The following MACROD2 variants were observed in gnomAD, a reference collection of about 807,000 sequenced individuals.
MACROD2 encodes mono-ADP ribosylhydrolase 2.
A neutral mutation model predicts 70.4 loss-of-function variants in MACROD2; 36 were observed. The observed-to-expected ratio is 0.51, with a 90% CI of 0.39 to 0.68. The LOEUF is 0.68. MACROD2 is among the 30% of genes least tolerant of loss of function. MACROD2 has a pLI of 0.00. For missense variants in MACROD2, 496 were observed against 538.4 expected (o/e 0.92, Z 0.78); for synonymous variants, 172 against 178.8 (o/e 0.96, Z 0.30).
At position 14,613,284 on chromosome 20, in the gene MACROD2, G is replaced by T. The variant is rs114685084; in HGVS notation, c.302-71559G>T. 6.2e-3 allele frequency among the ~76,000 whole-genome samples: 937 copies of T among 152,190 alleles called. 10 individuals carry two copies. The highest frequency in any genetic ancestry group is 0.022 in the African/African-American group (897 of 41,552). On this transcript the variant is annotated intron_variant, in intron 4 of 17. Coordinates refer to ENST00000684519, the MANE Select transcript of MACROD2 (RefSeq NM_001351661.2). ...CAAGAGAATAAGCAATGATTCATAC[G>T]CATTCCCCAGAACCATGCTTTATGC...
intron 9 of MACROD2, among the ~76,000 whole-genome samples, chr20:15,869,210 CATATATATAT>C (rs778142501): frequency 0.013 from 696 of 51,924 alleles, 34 homozygotes; most frequent in Admixed American, 0.049. Context: ...ATGTGATTAA[CATATATATAT>C]ATATATATAT....
At chr20:14,084,078 C>CAA (rs1569151520) in intron 2 of MACROD2, among the ~76,000 whole-genome samples, 2 of 109,940 alleles carry the variant, frequency 1.8e-5, no homozygotes, top group South Asian at 3.2e-4. Flanking sequence ...AAACAAAAAA[C>CAA]AAACAAAAAA....
At chr20:14,519,330 A>T (rs1463210281) in intron 4 of MACROD2, among the ~76,000 whole-genome samples, 2 of 152,146 alleles carry the variant, frequency 1.3e-5, no homozygotes, top group Admixed American at 1.3e-4. Context: ...AGTGTCCCAA[A>T]CTGTAGGGAA....
chr20:14,889,551 G>A (rs948517373), intron 5 of MACROD2, among the ~76,000 whole-genome samples: 15 of 152,114 alleles, frequency 9.9e-5, no homozygotes, highest in African/African-American at 3.4e-4. Context: ...AATGAAACAA[G>A]CAGATATGCT....
At chr20:15,084,059 G>GTTTTTTT (rs5840650) in intron 5 of MACROD2, among the ~76,000 whole-genome samples, 10 of 110,592 alleles carry the variant, frequency 9.0e-5, no homozygotes, top group Middle Eastern at 5.5e-3. Context: ...GCAACACTAG[G>GTTTTTTT]TTTTTTTTTT....
intron 9 of MACROD2, among the ~76,000 whole-genome samples, chr20:15,876,066 AC>A (rs1449776477): frequency 1.5e-5 from 2 of 137,438 alleles, no homozygotes; most frequent in Non-Finnish European, 1.5e-5. Context: ...TATGAACCTG[AC>A]TTTTATTGTC....
intron 3 of MACROD2, among the ~76,000 whole-genome samples, chr20:14,117,233 T>A (rs1185548644): frequency 6.6e-6 from 1 of 152,202 alleles, no homozygotes; most frequent in East Asian, 1.9e-4. Context: ...AGTCTTCCAA[T>A]TTCTGTTGAC....
At chr20:14,633,696 G>C (rs867456512) in intron 4 of MACROD2, among the ~76,000 whole-genome samples, 1 of 152,046 alleles carries the variant, frequency 6.6e-6, no homozygotes, top group Non-Finnish European at 1.5e-5. Flanking sequence ...TCTGACTCTC[G>C]CTTCCTTCTC....
intron 6 of MACROD2, among the ~76,000 whole-genome samples, chr20:15,244,746 C>T (rs935262470): frequency 6.6e-6 from 1 of 152,164 alleles, no homozygotes; most frequent in Non-Finnish European, 1.5e-5. Context: ...CCTAGTACAA[C>T]ATTTTTTTAA....
chr20:14,331,269 A>G (rs1419545818), intron 3 of MACROD2, among the ~76,000 whole-genome samples: 1 of 152,132 alleles, frequency 6.6e-6, no homozygotes, highest in Non-Finnish European at 1.5e-5. Context: ...ATAAGGCTCT[A>G]ACAATATGTA....
At chr20:14,451,252 G>A (rs951622288) in intron 3 of MACROD2, among the ~76,000 whole-genome samples, 2 of 152,062 alleles carry the variant, frequency 1.3e-5, no homozygotes, top group African/African-American at 2.4e-5. Flanking sequence ...GACCAGCCAG[G>A]CCAATATGGC....
intron 3 of MACROD2, among the ~76,000 whole-genome samples, chr20:14,309,600 A>G (rs537799344): frequency 1.1e-3 from 162 of 152,308 alleles, no homozygotes; most frequent in African/African-American, 3.7e-3. Flanking sequence ...TTGAATAGCT[A>G]TAATGACTAT....
At chr20:15,967,754 T>C (rs2066166056) in intron 13 of MACROD2, 124 bp downstream of exon 13, 1 of 727,504 alleles carries the variant, frequency 1.4e-6, no homozygotes, top group Admixed American at 3.3e-5. Flanking sequence ...AACACTTTAT[T>C]AGCACTGAAT....
At position 15,006,013 on chromosome 20, in the gene MACROD2, C is replaced by A. The variant is rs1374071241; in HGVS notation, c.419-223927C>A. 2.6e-5 allele frequency among the ~76,000 whole-genome samples: 4 copies of A among 151,922 alleles called. 1 individual carries two copies. The highest frequency in any genetic ancestry group is 5.9e-5 in the Non-Finnish European group (4 of 68,002). On this transcript the variant is annotated intron_variant, in intron 5 of 17. Coordinates refer to ENST00000684519, the MANE Select transcript of MACROD2 (RefSeq NM_001351661.2). ...TGACATATCGTCTCTAGCCTAAATG[C>A]TTTATTATAAACACAATAGTTGCAT...
intron 8 of MACROD2, among the ~76,000 whole-genome samples, chr20:15,749,828 A>G (rs1193179793): frequency 6.6e-6 from 1 of 152,048 alleles, no homozygotes; most frequent in Non-Finnish European, 1.5e-5. Flanking sequence ...CTAGACACCT[A>G]TCTCTCGCTA....
chr20:15,041,535 T>G (rs2123027997), intron 5 of MACROD2, among the ~76,000 whole-genome samples: 1 of 152,196 alleles, frequency 6.6e-6, no homozygotes, highest in South Asian at 2.1e-4. Context: ...AGCCTCAAGT[T>G]ATCCTCCCAC....
intron 3 of MACROD2, among the ~76,000 whole-genome samples, chr20:14,291,051 C>G (rs928250959): frequency 6.6e-6 from 1 of 152,130 alleles, no homozygotes; most frequent in Non-Finnish European, 1.5e-5. Flanking sequence ...TCTCTTAATT[C>G]TTAAGATTCT....
chr20:15,664,890 G>C (rs568424945), intron 8 of MACROD2, among the ~76,000 whole-genome samples: 1 of 152,138 alleles, frequency 6.6e-6, no homozygotes, highest in Non-Finnish European at 1.5e-5. Flanking sequence ...AAAGCCACAA[G>C]GTAAAGATAC....
At chr20:15,563,247 A>G (rs1346155094) in intron 8 of MACROD2, among the ~76,000 whole-genome samples, 1 of 152,192 alleles carries the variant, frequency 6.6e-6, no homozygotes, top group Non-Finnish European at 1.5e-5. Flanking sequence ...GCTGAGAGAT[A>G]CTAGTCTAGC....
Sources: allele counts gnomAD v4.1 joint callset (sites outside exome capture counted in the v4.1 genomes callset), GRCh38; gene constraint gnomAD v4.1.1; transcripts MANE v1.5; gene names NCBI Gene and HGNC (gene_info 2026-07-23, HGNC 2026-07-21).